Variants in RAB38 observed in about 807,000 individuals in gnomAD.
The protein encoded by RAB38 is RAB38, member RAS oncogene family.
In RAB38, 15 loss-of-function variants were observed where a neutral mutation model predicts 18.4. The ratio of observed to expected loss-of-function variants is 0.82; its 90% CI spans 0.55 to 1.26. The LOEUF is 1.26. Ranked by LOEUF, RAB38 falls within the 50% of genes most tolerant of loss-of-function variation. RAB38 has a pLI of 0.00. For synonymous variants in RAB38, 101 were observed against 104.4 expected (o/e 0.97, Z 0.20); for missense variants, 294 against 267.4 (o/e 1.10, Z -0.69).
At chr11:88,097,211 C>T in the RAB38 span, among the ~76,000 whole-genome samples, 1 of 151,814 alleles carries the variant, frequency 6.6e-6, no homozygotes, top group African/African-American at 2.4e-5. Context: ...CATGAAGTGC[C>T]TGTTACTTTA....
chr11:88,064,312 C>T, the RAB38 span, among the ~76,000 whole-genome samples: 2 of 152,218 alleles, frequency 1.3e-5, no homozygotes, highest in African/African-American at 4.8e-5. Context: ...AGGAAGATAA[C>T]ATTTCCAACT....
At chr11:88,086,043 T>A in the RAB38 span, among the ~76,000 whole-genome samples, 7 of 151,894 alleles carry the variant, frequency 4.6e-5, no homozygotes, top group African/African-American at 2.4e-5. Context: ...GAGTAAGTGA[T>A]TTAATCTCTC....
the RAB38 span, among the ~76,000 whole-genome samples, chr11:87,819,792 G>A: frequency 1.7e-3 from 242 of 143,228 alleles, 1 homozygote; most frequent in African/African-American, 5.9e-3. Context: ...ATGTATATAT[G>A]TGTGTGTGTA....
the RAB38 span, among the ~76,000 whole-genome samples, chr11:88,008,183 T>A: frequency 6.6e-6 from 1 of 152,128 alleles, no homozygotes; most frequent in African/African-American, 2.4e-5. Flanking sequence ...CCTGAAATTA[T>A]ACATTTGATA....
At chr11:87,888,005 CTT>C in the RAB38 span, among the ~76,000 whole-genome samples, 1 of 151,834 alleles carries the variant, frequency 6.6e-6, no homozygotes, top group Non-Finnish European at 1.5e-5. Context: ...GTGTTCTACT[CTT>C]TTCCTGAAGA....
chr11:87,952,390 G>A, the RAB38 span, among the ~76,000 whole-genome samples: 3 of 152,064 alleles, frequency 2.0e-5, no homozygotes, highest in Non-Finnish European at 4.4e-5. Context: ...ATACCTTTTT[G>A]GAGTCATTTT....
At chr11:88,061,703 G>A in the RAB38 span, 6 of 151,996 alleles carry the variant, frequency 3.9e-5, no homozygotes, top group East Asian at 1.9e-4. Context: ...CCTGGAACTC[G>A]GTTCAGCACA....
intron 2 of RAB38, among the ~76,000 whole-genome samples, chr11:88,143,886 T>C (rs1344491390): frequency 1.3e-5 from 2 of 152,210 alleles, no homozygotes; most frequent in Non-Finnish European, 2.9e-5. Context: ...TAGTAAATTA[T>C]AAGCATTGAC....
the RAB38 span, among the ~76,000 whole-genome samples, chr11:87,889,176 C>CCCT: frequency 8.6e-5 from 13 of 151,752 alleles, no homozygotes; most frequent in African/African-American, 2.9e-4. Context: ...TGCTGATGTG[C>CCCT]CTGCCCAGGA....
At position 88,150,032 on chromosome 11, in the gene RAB38, CA is replaced by C. The variant is rs1943045659; in HGVS notation, c.203-78del. On this transcript the variant is annotated intron_variant, in intron 1 of 2. Transcript: ENST00000243662. ...TCATATTATAACTTCATGAAGCCTC[CA>C]AGATGAGCAAGTCAATCAGTAAAGT... The C allele has an allele frequency of 2.8e-6, 4 of 1,415,998 alleles. No individual in the cohort carries two copies. In the African/African-American group the frequency reaches 5.7e-5, roughly 20 times the overall value. The allele number at this position is 1,415,998 out of a possible 1,614,324, so 87.7% of individuals were successfully genotyped here.
At chr11:87,854,808 T>C in the RAB38 span, among the ~76,000 whole-genome samples, 6 of 152,150 alleles carry the variant, frequency 3.9e-5, no homozygotes, top group Non-Finnish European at 5.9e-5. Context: ...TCCTTTTTCT[T>C]TTTTGAGATG....
At chr11:88,044,096 A>G in the RAB38 span, among the ~76,000 whole-genome samples, 1 of 152,094 alleles carries the variant, frequency 6.6e-6, no homozygotes, top group Non-Finnish European at 1.5e-5. Context: ...AAGGAGAGGC[A>G]TTTTATCCAT....
chr11:87,825,961 T>C, the RAB38 span, among the ~76,000 whole-genome samples: 1 of 150,962 alleles, frequency 6.6e-6, no homozygotes, highest in South Asian at 2.1e-4. Context: ...TAATAAAAAA[T>C]AAATGGTGGT....
the RAB38 span, among the ~76,000 whole-genome samples, chr11:87,847,314 A>C: frequency 6.6e-6 from 1 of 152,124 alleles, no homozygotes; most frequent in African/African-American, 2.4e-5. Context: ...CTTAATGTGT[A>C]GGATTTGTTA....
chr11:88,174,458 A>G (rs1009338629), intron 1 of RAB38, among the ~76,000 whole-genome samples: 20 of 152,140 alleles, frequency 1.3e-4, no homozygotes, highest in African/African-American at 4.8e-4. Context: ...TCATAAGGCT[A>G]TCATAGGCCC....
chr11:88,147,762 G>A (rs946162234), intron 2 of RAB38, among the ~76,000 whole-genome samples: 7 of 151,880 alleles, frequency 4.6e-5, no homozygotes, highest in African/African-American at 1.4e-4. Flanking sequence ...GTGTGGTGGC[G>A]GGCGCCTGTA....
At chr11:87,843,441 G>C in the RAB38 span, among the ~76,000 whole-genome samples, 16 of 152,168 alleles carry the variant, frequency 1.1e-4, no homozygotes, top group Non-Finnish European at 1.8e-4. Flanking sequence ...TTGCTGCAGA[G>C]TTACCTATAA....
At chr11:88,102,386 A>G in the RAB38 span, among the ~76,000 whole-genome samples, 1 of 152,060 alleles carries the variant, frequency 6.6e-6, no homozygotes, top group Non-Finnish European at 1.5e-5. Flanking sequence ...GCAGTTCCAG[A>G]TGACTGCTCT....
chr11:87,943,846 CTG>C, the RAB38 span, among the ~76,000 whole-genome samples: 1 of 152,114 alleles, frequency 6.6e-6, no homozygotes, highest in Non-Finnish European at 1.5e-5. Flanking sequence ...TTCTACAATT[CTG>C]TGAATCTCAG....
Sources: allele counts gnomAD v4.1 joint callset (sites outside exome capture counted in the v4.1 genomes callset), GRCh38; gene constraint gnomAD v4.1.1; transcripts MANE v1.5; gene names NCBI Gene and HGNC (gene_info 2026-07-23, HGNC 2026-07-21).